The following SCUBE2 variants were observed in gnomAD, a reference collection of about 807,000 sequenced individuals.
The protein encoded by SCUBE2 is signal peptide, CUB and EGF-like domain-containing protein 2.
Under a neutral mutation model 125.9 loss-of-function variants are expected in SCUBE2, and 114 were observed. That is an observed-to-expected ratio of 0.91 (90% CI 0.78 to 1.06). The LOEUF (loss-of-function observed/expected upper bound fraction) is 1.06. SCUBE2 is among the 50% of genes least tolerant of loss of function. The pLI is 0.00. For synonymous variants in SCUBE2, 459 were observed against 492.9 expected (o/e 0.93, Z 0.91); for missense variants, 1,255 against 1,301.8 (o/e 0.96, Z 0.55).
At chr11:9,046,598 C>T (rs1291411795) in intron 16 of SCUBE2, among the ~76,000 whole-genome samples, 2 of 152,196 alleles carry the variant, frequency 1.3e-5, no homozygotes, top group East Asian at 1.9e-4. Flanking sequence ...GCAACTCATC[C>T]TGGAAAGTAG....
chr11:9,063,730 T>A (rs1347847177), intron 7 of SCUBE2, among the ~76,000 whole-genome samples: 2 of 152,248 alleles, frequency 1.3e-5, no homozygotes, highest in African/African-American at 2.4e-5. Context: ...TGTAGGCTGA[T>A]GGTGAATGCC....
chr11:9,030,937 A>G lies in SCUBE2; in HGVS notation c.2174-12T>C. The G allele has an allele frequency of 6.2e-7, 1 of 1,609,978 alleles. No homozygotes were observed. On this transcript the variant is annotated splice_polypyrimidine_tract_variant and intron_variant, in intron 17 of 22. Coordinates refer to ENST00000649792, the MANE Select transcript of SCUBE2 (RefSeq NM_001367977.2). ...AGGTTGACACAGACCTGGAAGGACCAATAGCCTTACGTGAGCAAGGCCTCC... is the reference window on the plus strand; with the variant it reads ...AGGTTGACACAGACCTGGAAGGACCGATAGCCTTACGTGAGCAAGGCCTCC...
chr11:9,069,824 C>A (rs1388503053), intron 4 of SCUBE2, among the ~76,000 whole-genome samples: 2 of 152,156 alleles, frequency 1.3e-5, no homozygotes, highest in African/African-American at 2.4e-5. Flanking sequence ...CATGTCTTTA[C>A]CCAAGAGCTG....
rs1339700407 is a variant in SCUBE2 at position 9,027,519 on chromosome 11, A to G, written c.2546T>C (p.Ile849Thr). 18 of 1,613,874 alleles carry G rather than the reference A, an allele frequency of 1.1e-5. No homozygotes were observed. Among genetic ancestry groups the G allele is most frequent in the East Asian group, 2.2e-5 (1 of 44,868 alleles). The change falls in exon 20 of 23, where the codon ATT becomes ACT. Residue 849 changes from isoleucine to threonine, a missense_variant. Physicochemically the swap from Ile to Thr is moderately conservative, Grantham distance 89. Transcript: ENST00000649792. ...GGELGDFTGYIESPNYPGNYP... is the reference protein window; with the variant it reads ...GGELGDFTGYTESPNYPGNYP... ...ATTGCCTGGGTAGTTTGGGGATTCA[A>G]TGTACCCAGTGAAATCTCCCAGCTC...
Position 9,053,183 on chromosome 11 carries a change from G to A in SCUBE2, c.1363C>T (p.Pro455Ser). 4.3e-6 allele frequency: 7 copies of A among 1,614,186 alleles called. No individual in the cohort carries two copies. The highest frequency in any genetic ancestry group is 1.1e-5 in the South Asian group (1 of 91,072). ...VKGLLPTSVSPRVSLHCGKSG... is the reference protein window; with the variant it reads ...VKGLLPTSVSSRVSLHCGKSG... ...TTACCGCAGTGCAGGGACACACGGG[G>A]TGACACACTTGTGGGCAGGAGCCCC... Residue 455 changes from proline to serine, a missense_variant, in exon 12 of 23, where the codon CCC becomes TCC. By Grantham distance (74) the Pro-to-Ser change is moderately conservative (BLOSUM62 -1). This residue lies in a region of SCUBE2 where 378 missense variants were observed against 463.1 expected (regional missense o/e 0.82). Transcript: ENST00000649792.
intron 14 of SCUBE2, chr11:9,049,924 A>G (rs1277083567): frequency 6.6e-6 from 1 of 152,262 alleles, no homozygotes; most frequent in African/African-American, 2.4e-5. Context: ...AAAAGTGACT[A>G]GAGTGAGCTT....
chr11:9,023,733 A>G (rs1855498085), intron 21 of SCUBE2, among the ~76,000 whole-genome samples: 1 of 152,180 alleles, frequency 6.6e-6, no homozygotes, highest in Non-Finnish European at 1.5e-5. Flanking sequence ...AGTTCCTTAA[A>G]TCTCTAAGCC....
intron 16 of SCUBE2, among the ~76,000 whole-genome samples, chr11:9,034,252 A>G (rs1477676416): frequency 6.6e-6 from 1 of 152,212 alleles, no homozygotes; most frequent in Non-Finnish European, 1.5e-5. Context: ...AGGAGGTCAC[A>G]TTTGTGTCAG....
rs534458521 is a variant in SCUBE2 at position 9,025,799 on chromosome 11, G to A, written c.2757C>T (p.Ile919=). The change falls in exon 21 of 23, where the codon ATC becomes ATT. Residue 919 remains isoleucine (I), a synonymous_variant. Coordinates refer to ENST00000649792, the MANE Select transcript of SCUBE2 (RefSeq NM_001367977.2). ...GCTTCTTTGACCTGGAGGTGAAGGCGATGGGGCGTTCGTAGGTCTGGCAGG... is the reference window on the plus strand; with the variant it reads ...GCTTCTTTGACCTGGAGGTGAAGGCAATGGGGCGTTCGTAGGTCTGGCAGG... The part of the protein sequence containing the change: ...YETCQTYERP[I]AFTSRSKKLW... 5.4e-5 allele frequency: 87 copies of A among 1,614,182 alleles called. No homozygotes were observed. The highest frequency in any genetic ancestry group is 4.9e-4 in the Middle Eastern group (3 of 6,062).
In SCUBE2 at chr11:9,027,488, TG is replaced by T. The variant is rs1855887807; in HGVS notation, c.2576del (p.Pro859GlnfsTer19). ...TGGTCCACGTACACTCGGTGTTGGC[TG>T]GGTAATTGCCTGGGTAGTTTGGGGA... The part of the protein sequence containing the change: ...IESPNYPGNY[P>X]ANTECTWTIN... On this transcript the variant is annotated frameshift_variant, in exon 20 of 23. Transcript: ENST00000649792. LOFTEE classifies it high-confidence loss of function. 1 of 1,614,100 alleles carries T rather than the reference TG, an allele frequency of 6.2e-7. No individual in the cohort carries two copies. The highest frequency in any genetic ancestry group is 8.5e-7 in the Non-Finnish European group (1 of 1,180,014).
chr11:9,059,523 A>G, intron 8 of SCUBE2, 98 bp from the exon 9 acceptor site: 1 of 1,395,334 alleles, frequency 7.2e-7, no homozygotes. Flanking sequence ...AGTCTCTGAA[A>G]TTAAGAAAAA....
intron 4 of SCUBE2, among the ~76,000 whole-genome samples, chr11:9,071,178 C>T (rs1860765046): frequency 6.6e-6 from 1 of 152,166 alleles, no homozygotes; most frequent in African/African-American, 2.4e-5. Context: ...TATAATACTG[C>T]CCAAGAAATG....
intron 16 of SCUBE2, 75 bp from the exon 17 acceptor site, chr11:9,033,871 AGGCAAATAGAT>A: frequency 6.8e-7 from 1 of 1,477,760 alleles, no homozygotes; most frequent in Non-Finnish European, 9.4e-7. Context: ...CTAGAGATGA[AGGCAAATAGAT>A]GGCACTGACC....
chr11:9,039,114 C>T (rs1047594083), intron 16 of SCUBE2, among the ~76,000 whole-genome samples: 10 of 152,006 alleles, frequency 6.6e-5, no homozygotes, highest in East Asian at 1.9e-4. Flanking sequence ...TCTCGGCATC[C>T]GAAAGTGAGC....
chr11:9,027,029 A>C, intron 20 of SCUBE2: 2 of 311,474 alleles, frequency 6.4e-6, no homozygotes, highest in Non-Finnish European at 1.2e-5. Context: ...TCTCCAAGCC[A>C]TCAGTTGCAA....
chr11:9,027,121 G>A (rs3829273), intron 20 of SCUBE2: 72,785 of 517,858 alleles, frequency 0.14, 5,809 homozygotes, highest in South Asian at 0.25. Flanking sequence ...GGTCCAAAAC[G>A]CCCCAGTGAG....
chr11:9,091,355 T>C lies in SCUBE2; in HGVS notation c.133+41A>G, dbSNP rs1862708088. 2 of 1,280,058 alleles carry C rather than the reference T, an allele frequency of 1.6e-6. No individual in the cohort carries two copies. Among genetic ancestry groups the C allele is most frequent in the Non-Finnish European group, 2.0e-6 (2 of 1,013,726 alleles). The allele number at this position is 1,280,058 out of a possible 1,614,324, so 79.3% of individuals were successfully genotyped here. On this transcript the variant is annotated intron_variant, in intron 1 of 22. Coordinates refer to ENST00000649792, the MANE Select transcript of SCUBE2 (RefSeq NM_001367977.2). The surrounding 1 kb of genome is among the most constrained non-coding windows in gnomAD (Gnocchi z 8.5). ...GGGACCTAAACACTCTTCCTGGCCCTGCCTGCTGTGCCAGGTGCGCCCCCG... is the reference window on the plus strand; with the variant it reads ...GGGACCTAAACACTCTTCCTGGCCCCGCCTGCTGTGCCAGGTGCGCCCCCG...
chr11:9,023,204 A>C (rs1352737898), intron 21 of SCUBE2, among the ~76,000 whole-genome samples: 1 of 152,198 alleles, frequency 6.6e-6, no homozygotes, highest in Admixed American at 6.5e-5. Context: ...ATGTGCGACA[A>C]AGCCAAACAC....
intron 2 of SCUBE2, among the ~76,000 whole-genome samples, chr11:9,085,880 T>C (rs1390192509): frequency 6.6e-6 from 1 of 151,744 alleles, no homozygotes; most frequent in Non-Finnish European, 1.5e-5. Flanking sequence ...TTGCCCAGGC[T>C]GGAGTGCAGT....
Sources: gnomAD v4.1 joint callset for allele counts (sites outside exome capture counted in the v4.1 genomes callset) on GRCh38, gnomAD v4.1.1 for gene constraint, gnomAD v4.1.1 regional missense constraint, Gnocchi (gnomAD v3.1) non-coding constraint, MANE v1.5 for transcripts, NCBI Gene and HGNC (gene_info 2026-07-23, HGNC 2026-07-21) for gene names.